The following SCHIP1 variants were observed in gnomAD, a reference collection of about 807,000 sequenced individuals.
SCHIP1 encodes schwannomin-interacting protein 1.
SCHIP1 carries 8 observed loss-of-function variants against 29.7 expected under a neutral mutation model. The ratio of observed to expected loss-of-function variants is 0.27; its 90% confidence interval spans 0.16 to 0.49. The LOEUF (loss-of-function observed/expected upper bound fraction) is 0.49, where lower values mean the gene tolerates loss of function less well. SCHIP1 is among the 20% of genes least tolerant of loss of function. The probability of loss-of-function intolerance (pLI) is 0.99; values close to 1 mark genes in which losing one functional copy is unlikely to be tolerated. For synonymous variants in SCHIP1, 76 were observed against 94.9 expected, an observed-to-expected ratio of 0.80 and a Z score of 1.16; for missense variants, 193 against 294.6, an observed-to-expected ratio of 0.66 and a Z score of 2.52.
chr3:159,310,710 A>C, the SCHIP1 span, among the ~76,000 whole-genome samples: 1 of 152,198 alleles, frequency 6.6e-6, no homozygotes, highest in African/African-American at 2.4e-5. Flanking sequence ...ACAGAAACTC[A>C]ATGTGGTAGA....
At chr3:159,577,956 T>G in the SCHIP1 span, among the ~76,000 whole-genome samples, 1 of 152,134 alleles carries the variant, frequency 6.6e-6, no homozygotes, top group Non-Finnish European at 1.5e-5. Context: ...AAAACAAAAG[T>G]TTTATCCAAT....
At chr3:159,594,914 T>C in the SCHIP1 span, among the ~76,000 whole-genome samples, 2 of 152,076 alleles carry the variant, frequency 1.3e-5, no homozygotes, top group African/African-American at 4.8e-5. Context: ...GGATGTCAGG[T>C]CTCCAACCCT....
the SCHIP1 span, among the ~76,000 whole-genome samples, chr3:159,480,548 G>C: frequency 6.6e-6 from 1 of 152,008 alleles, no homozygotes; most frequent in Non-Finnish European, 1.5e-5. Flanking sequence ...GAATTTTGTG[G>C]GTTTTTCTTT....
chr3:159,613,996 G>A, the SCHIP1 span, among the ~76,000 whole-genome samples: 2 of 152,088 alleles, frequency 1.3e-5, no homozygotes, highest in Non-Finnish European at 2.9e-5. Flanking sequence ...TGTTCTAAGC[G>A]CATACGTATT....
At chr3:159,317,227 C>T in the SCHIP1 span, among the ~76,000 whole-genome samples, 2 of 152,166 alleles carry the variant, frequency 1.3e-5, no homozygotes, top group Non-Finnish European at 2.9e-5. Context: ...TCAATCACCC[C>T]AGCCAACACT....
chr3:159,699,774 C>T, the SCHIP1 span, among the ~76,000 whole-genome samples: 2 of 152,112 alleles, frequency 1.3e-5, no homozygotes, highest in Non-Finnish European at 2.9e-5. Context: ...CTAGTGATGG[C>T]ATAAGAAAAT....
At chr3:159,575,844 C>T in the SCHIP1 span, among the ~76,000 whole-genome samples, 79 of 152,086 alleles carry the variant, frequency 5.2e-4, no homozygotes, top group African/African-American at 1.8e-3. Context: ...CTTTGATTTC[C>T]GATATTTTTC....
At chr3:159,594,139 T>C in the SCHIP1 span, among the ~76,000 whole-genome samples, 2 of 152,234 alleles carry the variant, frequency 1.3e-5, no homozygotes, top group African/African-American at 4.8e-5. Flanking sequence ...CTTTATCTCT[T>C]TGTCAAAGTA....
chr3:159,788,464 C>T, the SCHIP1 span, among the ~76,000 whole-genome samples: 19 of 152,304 alleles, frequency 1.2e-4, no homozygotes, highest in African/African-American at 4.6e-4. Flanking sequence ...AATACAGAGA[C>T]ACTCAACACA....
exon 1 of SCHIP1, chr3:159,840,074 C>G (rs1000416134): frequency 2.6e-6 from 4 of 1,518,000 alleles, no homozygotes; most frequent in Non-Finnish European, 2.6e-6. Context: ...TGCGGGGAGC[C>G]CCTGCCTTAC....
At chr3:159,714,475 C>T in the SCHIP1 span, among the ~76,000 whole-genome samples, 8 of 152,318 alleles carry the variant, frequency 5.3e-5, no homozygotes, top group South Asian at 2.1e-4. Context: ...CGCAAGAAGT[C>T]GGGGAATTCC....
chr3:159,838,714 C>T (rs866333765), upstream of SCHIP1, among the ~76,000 whole-genome samples: 4 of 150,076 alleles, frequency 2.7e-5, no homozygotes, highest in African/African-American at 9.9e-5. Context: ...CACGGTGAAA[C>T]CCCGTCTCTA....
chr3:159,861,516 G>T lies in SCHIP1; in HGVS notation c.31-4647G>T, dbSNP rs985916554. 1.3e-4 allele frequency among the ~76,000 whole-genome samples: 20 copies of T among 152,194 alleles called. No individual in the cohort carries two copies. The highest frequency in any genetic ancestry group is 2.9e-5 in the Non-Finnish European group (2 of 68,036). On this transcript the variant is annotated intron_variant, in intron 1 of 6. Transcript: ENST00000445224. This position sits in a 1 kb window ranked among gnomAD's most constrained non-coding sequence, Gnocchi z 4.1. ...GTTCTAAGATCATGGTGGCTTGCATGGCATCATTGAAAGTCATTGTGAGCC... is the reference window on the plus strand; with the variant it reads ...GTTCTAAGATCATGGTGGCTTGCATTGCATCATTGAAAGTCATTGTGAGCC...
At chr3:159,566,879 G>A in the SCHIP1 span, among the ~76,000 whole-genome samples, 1 of 152,124 alleles carries the variant, frequency 6.6e-6, no homozygotes, top group Admixed American at 6.5e-5. Flanking sequence ...GTTGTAAGAT[G>A]GGAACATCTG....
At chr3:159,573,599 T>G in the SCHIP1 span, among the ~76,000 whole-genome samples, 1 of 152,178 alleles carries the variant, frequency 6.6e-6, no homozygotes, top group African/African-American at 2.4e-5. Flanking sequence ...GGGGTTGCTC[T>G]TCTCGAGGAA....
At chr3:159,460,433 G>A in the SCHIP1 span, among the ~76,000 whole-genome samples, 1 of 152,194 alleles carries the variant, frequency 6.6e-6, no homozygotes, top group Non-Finnish European at 1.5e-5. Flanking sequence ...GAAAAGCTGA[G>A]CAAAAGTAAC....
the SCHIP1 span, among the ~76,000 whole-genome samples, chr3:159,481,756 T>C: frequency 1.1e-3 from 173 of 152,182 alleles, no homozygotes; most frequent in Non-Finnish European, 2.2e-3. Flanking sequence ...TGCTGCATGC[T>C]GTGATTTGAG....
At chr3:159,600,199 T>G in the SCHIP1 span, among the ~76,000 whole-genome samples, 1 of 152,180 alleles carries the variant, frequency 6.6e-6, no homozygotes, top group Non-Finnish European at 1.5e-5. Context: ...GAGAAGACCT[T>G]CTTGCATTGT....
At chr3:159,778,174 T>C in the SCHIP1 span, among the ~76,000 whole-genome samples, 1 of 151,688 alleles carries the variant, frequency 6.6e-6, no homozygotes, top group Non-Finnish European at 1.5e-5. Flanking sequence ...TTTGTATTTT[T>C]AGTAGAGACG....
Sources: allele counts gnomAD v4.1 joint callset (sites outside exome capture counted in the v4.1 genomes callset), GRCh38; gene constraint gnomAD v4.1.1; non-coding constraint Gnocchi (gnomAD v3.1); transcripts MANE v1.5; gene names NCBI Gene and HGNC (gene_info 2026-07-23, HGNC 2026-07-21).